The following CEP128 variants were observed in gnomAD, a reference collection of about 807,000 sequenced individuals.
CEP128 encodes centrosomal protein 128kDa.
In CEP128, 132 loss-of-function variants were observed where a neutral mutation model predicts 156.7. That is an observed-to-expected ratio of 0.84 (90% confidence interval 0.73 to 0.97). CEP128 has a LOEUF of 0.97. Ranked by LOEUF, CEP128 falls within the 50% of genes least tolerant of loss-of-function variation. The probability of loss-of-function intolerance (pLI) is 0.00; values close to 1 mark genes in which losing one functional copy is unlikely to be tolerated. For synonymous variants in CEP128, 469 were observed against 448.9 expected (o/e 1.04, Z -0.57); for missense variants, 1,252 against 1,281.9 (o/e 0.98, Z 0.36).
At chr14:80,640,276 C>T (rs1237039340) in intron 19 of CEP128, among the ~76,000 whole-genome samples, 1 of 152,048 alleles carries the variant, frequency 6.6e-6, no homozygotes, top group Non-Finnish European at 1.5e-5. Context: ...ATTTTTTAAT[C>T]CATCATCATT....
chr14:80,730,341 A>T (rs1223546110), intron 19 of CEP128, among the ~76,000 whole-genome samples: 1 of 152,154 alleles, frequency 6.6e-6, no homozygotes, highest in Non-Finnish European at 1.5e-5. Context: ...ACTGTAATTT[A>T]TATCTCTCTT....
intron 23 of CEP128, among the ~76,000 whole-genome samples, chr14:80,523,433 T>C (rs939036271): frequency 6.6e-6 from 1 of 152,214 alleles, no homozygotes; most frequent in Non-Finnish European, 1.5e-5. Flanking sequence ...CTTTTCATTT[T>C]TGTACCACAG....
chr14:80,837,287 C>T (rs1286009924), intron 11 of CEP128, among the ~76,000 whole-genome samples: 1 of 152,156 alleles, frequency 6.6e-6, no homozygotes. Context: ...TTGTATTAAA[C>T]ACAGACAGGC....
downstream of CEP128, among the ~76,000 whole-genome samples, chr14:80,496,009 A>C (rs1455338939): frequency 6.6e-6 from 1 of 152,198 alleles, no homozygotes; most frequent in South Asian, 2.1e-4. Flanking sequence ...CATAATGCTC[A>C]TTAATACATT....
chr14:80,723,651 C>T (rs1293149535), intron 19 of CEP128, among the ~76,000 whole-genome samples: 3 of 152,168 alleles, frequency 2.0e-5, no homozygotes, highest in Non-Finnish European at 4.4e-5. Flanking sequence ...GATTTTAGCA[C>T]TTGTTTTTAT....
chr14:80,753,969 C>G (rs1350417840), intron 18 of CEP128, among the ~76,000 whole-genome samples: 1 of 152,192 alleles, frequency 6.6e-6, no homozygotes, highest in Non-Finnish European at 1.5e-5. Context: ...CTCTATCTCA[C>G]TGTATGGGAA....
At chr14:80,650,288 G>C (rs911139061) in intron 19 of CEP128, among the ~76,000 whole-genome samples, 5 of 152,178 alleles carry the variant, frequency 3.3e-5, no homozygotes, top group African/African-American at 1.2e-4. Flanking sequence ...CTTTGCTGAA[G>C]TTGCTTATCA....
At chr14:80,877,650 AG>A (rs35867916) in intron 8 of CEP128, among the ~76,000 whole-genome samples, 1 of 152,218 alleles carries the variant, frequency 6.6e-6, no homozygotes, top group Non-Finnish European at 1.5e-5. Flanking sequence ...ATGGCTGCAC[AG>A]GGAAGGAAAG....
intron 24 of CEP128, among the ~76,000 whole-genome samples, chr14:80,501,418 A>T (rs1177967148): frequency 6.6e-6 from 1 of 152,174 alleles, no homozygotes. Flanking sequence ...AATCATTTTC[A>T]ACTAGAATTT....
intron 8 of CEP128, among the ~76,000 whole-genome samples, chr14:80,881,049 CA>C (rs1234167252): frequency 1.4e-5 from 2 of 141,820 alleles, no homozygotes; most frequent in African/African-American, 5.2e-5. Flanking sequence ...AAACCAAACC[CA>C]AAATGAGTAG....
intron 2 of CEP128, among the ~76,000 whole-genome samples, chr14:80,929,134 C>T (rs890918838): frequency 2.6e-5 from 4 of 152,026 alleles, no homozygotes; most frequent in Non-Finnish European, 5.9e-5. Context: ...ATCAACATCA[C>T]TAATCAGAGA....
chr14:80,902,978 AC>A (rs1167590824), intron 6 of CEP128, among the ~76,000 whole-genome samples: 2 of 152,194 alleles, frequency 1.3e-5, no homozygotes, highest in African/African-American at 4.8e-5. Flanking sequence ...TTGAAAATAA[AC>A]TAGTTTATCT....
chr14:80,521,524 G>A (rs940220094), intron 23 of CEP128, among the ~76,000 whole-genome samples: 12 of 152,196 alleles, frequency 7.9e-5, no homozygotes, highest in South Asian at 2.1e-4. Flanking sequence ...GCAACCTTTC[G>A]TTTAATTTTG....
At chr14:80,593,433 C>T (rs562364448) in intron 19 of CEP128, among the ~76,000 whole-genome samples, 2 of 149,656 alleles carry the variant, frequency 1.3e-5, no homozygotes, top group Admixed American at 6.7e-5. Context: ...CCCAGCTACT[C>T]GGGTGACTGA....
At chr14:80,553,896 C>T (rs534302774) in intron 21 of CEP128, among the ~76,000 whole-genome samples, 1 of 152,302 alleles carries the variant, frequency 6.6e-6, no homozygotes, top group East Asian at 1.9e-4. Flanking sequence ...CCCTTCTGCA[C>T]AGTGTCTAAC....
intron 2 of CEP128, among the ~76,000 whole-genome samples, chr14:80,950,169 A>G (rs1886432754): frequency 6.6e-6 from 1 of 152,174 alleles, no homozygotes; most frequent in African/African-American, 2.4e-5. Context: ...GATATAACCC[A>G]AAAGATGTCA....
At chr14:80,650,197 T>TA (rs2140845072) in intron 19 of CEP128, among the ~76,000 whole-genome samples, 1 of 152,316 alleles carries the variant, frequency 6.6e-6, no homozygotes, top group Non-Finnish European at 1.5e-5. Flanking sequence ...GGGAGTTCAC[T>TA]CATGATCTGG....
intron 19 of CEP128, among the ~76,000 whole-genome samples, chr14:80,701,601 C>T (rs1013078221): frequency 5.9e-5 from 9 of 152,154 alleles, no homozygotes; most frequent in African/African-American, 2.2e-4. Flanking sequence ...AGAAACTAAG[C>T]TTTCTTGGCC....
chr14:80,865,782 T>A (rs923566102), intron 8 of CEP128, among the ~76,000 whole-genome samples: 1 of 152,216 alleles, frequency 6.6e-6, no homozygotes, highest in Middle Eastern at 3.4e-3. Context: ...AGACGCCACA[T>A]GTCAAAGAAA....
Sources: gnomAD v4.1 joint callset for allele counts (sites outside exome capture counted in the v4.1 genomes callset) on GRCh38, gnomAD v4.1.1 for gene constraint, MANE v1.5 for transcripts, NCBI Gene and HGNC (gene_info 2026-07-23, HGNC 2026-07-21) for gene names.